Variants in TTC28 observed in about 807,000 individuals in gnomAD.
TTC28 encodes tetratricopeptide repeat protein 28.
A neutral mutation model predicts 198.0 loss-of-function variants in TTC28; 61 were observed. That is an observed-to-expected ratio of 0.31 (90% CI 0.25 to 0.38). The LOEUF is 0.38. Among genes scored for constraint, TTC28 ranks in the 10% least tolerant of loss-of-function variants. The probability of loss-of-function intolerance (pLI) is 1.00; values close to 1 mark genes in which losing one functional copy is unlikely to be tolerated. For synonymous variants in TTC28, 1,171 were observed against 1,297.8 expected (o/e 0.90, Z 2.10); for missense variants, 2,678 against 3,164.0 (o/e 0.85, Z 3.69).
intron 5 of TTC28, among the ~76,000 whole-genome samples, chr22:28,209,858 C>G (rs3940205): frequency 1.3e-5 from 2 of 152,198 alleles, no homozygotes; most frequent in Admixed American, 6.5e-5. Flanking sequence ...TTCCTAACCC[C>G]TGAGTAGTCT....
intron 2 of TTC28, among the ~76,000 whole-genome samples, chr22:28,323,172 C>T (rs1258702673): frequency 1.3e-5 from 2 of 152,114 alleles, no homozygotes; most frequent in Non-Finnish European, 2.9e-5. Context: ...TTTTGCAAGC[C>T]TAGAATAAAT....
chr22:28,578,616 T>C (rs997282900), intron 2 of TTC28, among the ~76,000 whole-genome samples: 3 of 152,092 alleles, frequency 2.0e-5, no homozygotes, highest in African/African-American at 7.2e-5. Flanking sequence ...AGTATCTGGT[T>C]TTAACATCAT....
At chr22:28,300,908 C>G (rs2045008152) in intron 3 of TTC28, among the ~76,000 whole-genome samples, 1 of 152,120 alleles carries the variant, frequency 6.6e-6, no homozygotes, top group Non-Finnish European at 1.5e-5. Flanking sequence ...CATACAGACA[C>G]CTGTATTTAA....
chr22:28,442,403 GGGCTGCTCGCC>G (rs1345066061), intron 2 of TTC28, among the ~76,000 whole-genome samples: 1 of 152,232 alleles, frequency 6.6e-6, no homozygotes, highest in Non-Finnish European at 1.5e-5. Context: ...TGGTGTGCTG[GGGCTGCTCGCC>G]CCCCAGCGGG....
chr22:28,130,082 T>C (rs1943021996), intron 6 of TTC28, among the ~76,000 whole-genome samples: 1 of 152,228 alleles, frequency 6.6e-6, no homozygotes, highest in Admixed American at 6.5e-5. Context: ...TATGAGACTT[T>C]ATAGCAAGCT....
intron 2 of TTC28, among the ~76,000 whole-genome samples, chr22:28,428,997 A>C (rs556241623): frequency 7.4e-4 from 112 of 152,340 alleles, no homozygotes; most frequent in African/African-American, 2.6e-3. Flanking sequence ...TAAACATTTA[A>C]AAGAGTAAAC....
At chr22:28,068,795 T>C (rs1940855092) in intron 12 of TTC28, among the ~76,000 whole-genome samples, 1 of 152,240 alleles carries the variant, frequency 6.6e-6, no homozygotes, top group Non-Finnish European at 1.5e-5. Flanking sequence ...TTTCAAGAAC[T>C]GTCCAGGGTA....
chr22:28,155,486 A>C (rs891747069), intron 6 of TTC28, among the ~76,000 whole-genome samples: 3 of 152,242 alleles, frequency 2.0e-5, no homozygotes, highest in African/African-American at 7.2e-5. Context: ...GTTCAAATAT[A>C]AATAGAATAA....
intron 12 of TTC28, among the ~76,000 whole-genome samples, chr22:28,032,038 G>A (rs1241928898): frequency 6.6e-6 from 1 of 151,268 alleles, no homozygotes; most frequent in African/African-American, 2.4e-5. Flanking sequence ...AGCTTGCTGT[G>A]GCAGATCCTG....
chr22:28,071,866 C>G (rs754242628), intron 12 of TTC28, among the ~76,000 whole-genome samples: 6 of 151,946 alleles, frequency 3.9e-5, no homozygotes, highest in Non-Finnish European at 7.4e-5. Flanking sequence ...TGCTTATTAG[C>G]AGGAACTCCT....
chr22:28,640,765 C>A (rs1385317841), intron 1 of TTC28, among the ~76,000 whole-genome samples: 1 of 152,046 alleles, frequency 6.6e-6, no homozygotes, highest in Admixed American at 6.6e-5. Flanking sequence ...ATACATTACT[C>A]ATGGGAATAT....
chr22:28,324,632 C>T (rs2045498540), intron 2 of TTC28, among the ~76,000 whole-genome samples: 1 of 152,144 alleles, frequency 6.6e-6, no homozygotes, highest in African/African-American at 2.4e-5. Context: ...GAACAAATGA[C>T]AAAAACCACA....
intron 2 of TTC28, among the ~76,000 whole-genome samples, chr22:28,341,364 T>C (rs748323739): frequency 2.0e-5 from 3 of 152,226 alleles, no homozygotes; most frequent in Non-Finnish European, 2.9e-5. Flanking sequence ...GCTTATATTA[T>C]ACAGACATTT....
intron 12 of TTC28, among the ~76,000 whole-genome samples, chr22:28,074,537 G>A (rs1195336093): frequency 6.6e-6 from 1 of 152,214 alleles, no homozygotes; most frequent in African/African-American, 2.4e-5. Context: ...GTGTTCAACA[G>A]TGCCTCTGCC....
At chr22:28,316,868 G>A (rs1462158319) in intron 2 of TTC28, among the ~76,000 whole-genome samples, 1 of 152,170 alleles carries the variant, frequency 6.6e-6, no homozygotes, top group Non-Finnish European at 1.5e-5. Flanking sequence ...CTGAGTGCAA[G>A]TGATCCTCCC....
intron 5 of TTC28, among the ~76,000 whole-genome samples, chr22:28,286,356 G>A (rs971514362): frequency 3.3e-5 from 5 of 152,046 alleles, no homozygotes; most frequent in South Asian, 2.1e-4. Flanking sequence ...TTAATCCAAC[G>A]TAGCCAAAAT....
chr22:28,369,129 C>G (rs2046290773), intron 2 of TTC28, among the ~76,000 whole-genome samples: 1 of 152,034 alleles, frequency 6.6e-6, no homozygotes, highest in Non-Finnish European at 1.5e-5. Flanking sequence ...ATAGTTGAAG[C>G]TATCCTGAGC....
intron 1 of TTC28, among the ~76,000 whole-genome samples, chr22:28,645,875 C>T (rs946808094): frequency 6.6e-6 from 1 of 152,036 alleles, no homozygotes; most frequent in Non-Finnish European, 1.5e-5. Flanking sequence ...GATTCTCGTG[C>T]CTCAGCGTCC....
rs113706531 is a variant in TTC28 at position 28,180,245 on chromosome 22, T to C, written c.934-16646A>G. On this transcript the variant is annotated intron_variant, in intron 5 of 22. Transcript: ENST00000397906. ...CAACTGAGCTGATGAAATAATTGTA[T>C]ATAAAAGGTTAAATAATGTTCATAA... is the stretch of plus-strand genomic sequence containing the variant. Among the ~76,000 whole-genome samples, 27 of 152,344 alleles carry C rather than the reference T, an allele frequency of 1.8e-4. 1 individual carries two copies. Among genetic ancestry groups the C allele is most frequent in the African/African-American group, 6.0e-4 (25 of 41,584 alleles).
Sources: allele counts gnomAD v4.1 joint callset (sites outside exome capture counted in the v4.1 genomes callset), GRCh38; gene constraint gnomAD v4.1.1; transcripts MANE v1.5; gene names NCBI Gene and HGNC (gene_info 2026-07-23, HGNC 2026-07-21).